The following SLIT3 variants were observed in gnomAD, a reference collection of about 807,000 sequenced individuals.
SLIT3 encodes the protein slit guidance ligand 3.
SLIT3 carries 68 observed loss-of-function variants against 184.0 expected under a neutral mutation model. The ratio of observed to expected loss-of-function variants is 0.37; its 90% CI spans 0.30 to 0.45. The LOEUF (loss-of-function observed/expected upper bound fraction) is 0.45, where lower values mean the gene tolerates loss of function less well. Among genes scored for constraint, SLIT3 ranks in the 20% least tolerant of loss-of-function variants. SLIT3 has a pLI of 1.00. For missense variants in SLIT3, 1,707 were observed against 2,026.0 expected, an observed-to-expected ratio of 0.84 and a Z score of 3.02; for synonymous variants, 831 against 828.6, an observed-to-expected ratio of 1.00 and a Z score of -0.05.
intron 4 of SLIT3, among the ~76,000 whole-genome samples, chr5:169,047,480 C>T (rs571175077): frequency 7.9e-4 from 120 of 151,962 alleles, no homozygotes; most frequent in Non-Finnish European, 1.4e-3. Context: ...GAGGTCTTCA[C>T]GGCAGACTGG....
At chr5:168,867,426 C>A (rs376732034) in intron 5 of SLIT3, among the ~76,000 whole-genome samples, 12 of 152,280 alleles carry the variant, frequency 7.9e-5, no homozygotes, top group African/African-American at 2.6e-4. Flanking sequence ...TCTAAATAAA[C>A]AATGATGAGT....
At chr5:169,132,723 C>T (rs552974624) in intron 4 of SLIT3, among the ~76,000 whole-genome samples, 111 of 152,292 alleles carry the variant, frequency 7.3e-4, no homozygotes, top group Non-Finnish European at 1.2e-3. Flanking sequence ...AATTTCTTGG[C>T]TAACCCCAAG....
chr5:169,192,201 G>A (rs984496128), intron 4 of SLIT3, among the ~76,000 whole-genome samples: 6 of 152,152 alleles, frequency 3.9e-5, no homozygotes, highest in Non-Finnish European at 8.8e-5. Context: ...GACCCAGACT[G>A]GAAGAGTAAA....
At chr5:169,277,963 T>G (rs181972331) in intron 1 of SLIT3, among the ~76,000 whole-genome samples, 1 of 152,378 alleles carries the variant, frequency 6.6e-6, no homozygotes, top group Non-Finnish European at 1.5e-5. Context: ...GTAGGTGTGA[T>G]GAGCCTGTTT....
intron 5 of SLIT3, among the ~76,000 whole-genome samples, chr5:168,862,622 T>C (rs955105520): frequency 6.6e-6 from 1 of 152,156 alleles, no homozygotes; most frequent in Non-Finnish European, 1.5e-5. Flanking sequence ...CTCTAATCTA[T>C]GTAAATCCTA....
At chr5:168,871,338 G>A (rs892024834) in intron 5 of SLIT3, among the ~76,000 whole-genome samples, 9 of 152,146 alleles carry the variant, frequency 5.9e-5, no homozygotes, top group African/African-American at 2.2e-4. Flanking sequence ...ACATACATTA[G>A]AGTTTAGGAT....
At chr5:168,986,166 T>G (rs1755120307) in intron 4 of SLIT3, among the ~76,000 whole-genome samples, 1 of 152,186 alleles carries the variant, frequency 6.6e-6, no homozygotes, top group Non-Finnish European at 1.5e-5. Context: ...TTTCATGTCT[T>G]TTCTTACGTC....
At chr5:168,737,761 CAG>C (rs1432117096) in intron 20 of SLIT3, among the ~76,000 whole-genome samples, 1 of 152,174 alleles carries the variant, frequency 6.6e-6, no homozygotes, top group African/African-American at 2.4e-5. Flanking sequence ...GTAGGCTTTG[CAG>C]AGTTTGTTTC....
At chr5:169,262,760 T>A (rs1245996837) in intron 1 of SLIT3, among the ~76,000 whole-genome samples, 1 of 152,156 alleles carries the variant, frequency 6.6e-6, no homozygotes, top group Admixed American at 6.5e-5. Context: ...GCCACAGACA[T>A]GTATTGAGCA....
chr5:168,967,687 G>A (rs1277474324), intron 4 of SLIT3, among the ~76,000 whole-genome samples: 4 of 139,656 alleles, frequency 2.9e-5, no homozygotes, highest in African/African-American at 7.5e-5. Context: ...TGATCCGCCC[G>A]CCTCGGCCTC....
chr5:169,051,906 C>T (rs1265304378), intron 4 of SLIT3, among the ~76,000 whole-genome samples: 1 of 152,182 alleles, frequency 6.6e-6, no homozygotes, highest in Non-Finnish European at 1.5e-5. Flanking sequence ...GCTTGCACGC[C>T]TTGGTGTCCC....
intron 4 of SLIT3, among the ~76,000 whole-genome samples, chr5:168,896,031 G>A (rs1467078777): frequency 6.6e-6 from 1 of 152,196 alleles, no homozygotes; most frequent in Admixed American, 6.5e-5. Flanking sequence ...GACCTCCAAG[G>A]TAGGAGGCAG....
At chr5:169,277,155 GT>G (rs142086938) in intron 1 of SLIT3, among the ~76,000 whole-genome samples, 5,774 of 152,208 alleles carry the variant, frequency 0.038, 362 homozygotes, top group African/African-American at 0.13. Flanking sequence ...GACACTTCAT[GT>G]AAGTGGAATC....
At chr5:168,749,431 CCAGG>C in intron 19 of SLIT3, 37 bp downstream of exon 19, 1 of 1,611,136 alleles carries the variant, frequency 6.2e-7, no homozygotes, top group Non-Finnish European at 8.5e-7. Context: ...CCTTGCCTTC[CCAGG>C]GCCTTCCCCG....
At chr5:168,905,185 G>GAA (rs34966423) in intron 4 of SLIT3, among the ~76,000 whole-genome samples, 16 of 150,806 alleles carry the variant, frequency 1.1e-4, no homozygotes, top group African/African-American at 2.9e-4. Flanking sequence ...CCAAAAAAAA[G>GAA]AAAAAAAATG....
intron 4 of SLIT3, among the ~76,000 whole-genome samples, chr5:169,007,126 A>G (rs1317779438): frequency 6.6e-6 from 1 of 152,120 alleles, no homozygotes; most frequent in Non-Finnish European, 1.5e-5. Context: ...TTTATAGGGC[A>G]GTTTCCCCTG....
chr5:168,742,814 G>C (rs975486559), intron 20 of SLIT3, among the ~76,000 whole-genome samples: 1 of 149,822 alleles, frequency 6.7e-6, no homozygotes, highest in Non-Finnish European at 1.5e-5. Flanking sequence ...GGCACTGGAA[G>C]ATACCGGGCT....
chr5:168,936,305 G>T (rs1224321746), intron 4 of SLIT3, among the ~76,000 whole-genome samples: 1 of 152,160 alleles, frequency 6.6e-6, no homozygotes, highest in South Asian at 2.1e-4. Flanking sequence ...TGCAATCTCG[G>T]CTCACTGCAA....
At chr5:168,824,703 A>G (rs1319580457) in intron 6 of SLIT3, among the ~76,000 whole-genome samples, 2 of 152,124 alleles carry the variant, frequency 1.3e-5, no homozygotes, top group African/African-American at 4.8e-5. Context: ...ACAATTCCTC[A>G]TGGTGGCCAC....
Sources: gnomAD v4.1 joint callset for allele counts (sites outside exome capture counted in the v4.1 genomes callset) on GRCh38, gnomAD v4.1.1 for gene constraint, MANE v1.5 for transcripts, NCBI Gene and HGNC (gene_info 2026-07-23, HGNC 2026-07-21) for gene names.